MFSD6: variants seen among roughly 807,000 people sequenced by gnomAD.
MFSD6 encodes the protein major facilitator superfamily domain containing 6.
In MFSD6, 26 loss-of-function variants were observed where a neutral mutation model predicts 56.3. That is an observed-to-expected ratio of 0.46 (90% CI 0.34 to 0.64). The LOEUF (loss-of-function observed/expected upper bound fraction) is 0.64, where lower values mean the gene tolerates loss of function less well. Ranked by LOEUF, MFSD6 falls within the 30% of genes least tolerant of loss-of-function variation. MFSD6 has a pLI of 0.01. For synonymous variants in MFSD6, 331 were observed against 366.9 expected (o/e 0.90, Z 1.12); for missense variants, 750 against 986.2 (o/e 0.76, Z 3.21).
chr2:190,482,807 A>C (rs1688751445), intron 4 of MFSD6, among the ~76,000 whole-genome samples: 1 of 151,346 alleles, frequency 6.6e-6, no homozygotes, highest in Non-Finnish European at 1.5e-5. Flanking sequence ...CATTTAAAAA[A>C]CAATATAGAT....
chr2:190,454,930 C>CTGTATG lies in MFSD6; in HGVS notation c.1533-14826_1533-14821dup, dbSNP rs1686935195. ...CTGTATGTATATGTGTTCCTGGTTTCTGTATGTATATGTATATGTATATGT... is the reference window on the plus strand; with the variant it reads ...CTGTATGTATATGTGTTCCTGGTTTCTGTATGTGTATGTATATGTATATGTATATGT... On this transcript the variant is annotated intron_variant, in intron 3 of 7. Coordinates refer to ENST00000392328, the MANE Select transcript of MFSD6 (RefSeq NM_017694.4). This position sits in a 1 kb window ranked among gnomAD's most constrained non-coding sequence, Gnocchi z 4.6. Among the ~76,000 whole-genome samples, 2 of 120,550 alleles carry CTGTATG rather than the reference C, an allele frequency of 1.7e-5. No homozygotes were observed. Among genetic ancestry groups the CTGTATG allele is most frequent in the Non-Finnish European group, 3.2e-5 (2 of 61,828 alleles). 79.1% of individuals were successfully genotyped at this position (120,550 alleles called of 152,430 possible). A position where few individuals can be genotyped will look rare whatever the true frequency, so the allele number is the denominator to read the frequency against.
rs908425396 is a variant in MFSD6, at chr2:190,439,471, G to T, written c.1532+1910G>T. On this transcript the variant is annotated intron_variant, in intron 3 of 7. Coordinates refer to ENST00000392328, the MANE Select transcript of MFSD6 (RefSeq NM_017694.4). This position sits in a 1 kb window ranked among gnomAD's most constrained non-coding sequence, Gnocchi z 5.8. Reference sequence around the variant, plus strand: ...GTTCTATTTTCAAAGGAATTGTTAGGTTATTTCCACATGCTAAGAAAAGAT... The same window carrying T: ...GTTCTATTTTCAAAGGAATTGTTAGTTTATTTCCACATGCTAAGAAAAGAT... Among the ~76,000 whole-genome samples the T allele has an allele frequency of 9.2e-5, 14 of 151,982 alleles. No homozygotes were observed. Among genetic ancestry groups the T allele is most frequent in the African/African-American group, 3.4e-4 (14 of 41,382 alleles).
chr2:190,463,195 G>A lies in MFSD6; in HGVS notation c.1533-6563G>A, dbSNP rs114497185. ...GCTGGGAGGAGGGGGACAGTTATGA[G>A]AAAACAAATTTTCTAGACTAAGATT... On this transcript the variant is annotated intron_variant, in intron 3 of 7. Transcript: ENST00000392328. The surrounding 1 kb of genome is among the most constrained non-coding windows in gnomAD (Gnocchi z 4.4). 1.6e-3 allele frequency among the ~76,000 whole-genome samples: 239 copies of A among 152,292 alleles called. 2 individuals carry two copies. The highest frequency in any genetic ancestry group is 5.4e-3 in the African/African-American group (226 of 41,552).
At chr2:190,407,771 A>C (rs1690362388), upstream of MFSD6, among the ~76,000 whole-genome samples, 1 of 152,130 alleles carries the variant, frequency 6.6e-6, no homozygotes, top group African/African-American at 2.4e-5. The surrounding 1 kb of genome is among the most constrained non-coding windows in gnomAD (Gnocchi z 5.4). Flanking sequence ...AAACTCACAG[A>C]TCGTTTGTCT....
In MFSD6 at chr2:190,488,887, A is replaced by C; in HGVS notation, c.1792+69A>C. The stretch of plus-strand genomic sequence containing the variant: ...CATGATTTTTTCCAGCAATACCTCA[A>C]TAAACAATCCAATTATTACTGAAGA... On this transcript the variant is annotated intron_variant, in intron 5 of 7. Transcript: ENST00000392328. This position sits in a 1 kb window ranked among gnomAD's most constrained non-coding sequence, Gnocchi z 6.4. 7.3e-7 allele frequency: 1 copy of C among 1,377,074 alleles called. No homozygotes were observed. Among genetic ancestry groups the C allele is most frequent in the Non-Finnish European group, 9.8e-7 (1 of 1,025,146 alleles). The allele number at this position is 1,377,074 out of a possible 1,614,324, so 85.3% of individuals were successfully genotyped here.
Position 190,487,605 on chromosome 2 carries a change from A to G in MFSD6, c.1631-1052A>G, listed in dbSNP as rs1161774929. On this transcript the variant is annotated intron_variant, in intron 4 of 7. Transcript: ENST00000392328. The surrounding 1 kb of genome is among the most constrained non-coding windows in gnomAD (Gnocchi z 5.5). ...AAATGGGCAAAGGAATTGAATAAAC[A>G]TTTCTTCAAAGAAGATATAGATGGC... Among the ~76,000 whole-genome samples, 1 of 152,214 alleles carries G rather than the reference A, an allele frequency of 6.6e-6. No homozygotes were observed. The highest frequency in any genetic ancestry group is 2.1e-4 in the South Asian group (1 of 4,832).
rs185434312 is a variant in MFSD6 at position 190,443,280 on chromosome 2, A to G, written c.1532+5719A>G. On this transcript the variant is annotated intron_variant, in intron 3 of 7. Coordinates refer to ENST00000392328, the MANE Select transcript of MFSD6 (RefSeq NM_017694.4). This position sits in a 1 kb window ranked among gnomAD's most constrained non-coding sequence, Gnocchi z 4.2. ...TTGCCTGGCTCTGCAACTTGGAACT[A>G]TATGGCCTTGGACAAGTTACAGAAC... Among the ~76,000 whole-genome samples, 5 of 152,322 alleles carry G rather than the reference A, an allele frequency of 3.3e-5. No homozygotes were observed. Among genetic ancestry groups the G allele is most frequent in the Non-Finnish European group, 5.9e-5 (4 of 68,022 alleles).
chr2:190,475,419 T>C (rs1256071682), intron 4 of MFSD6, among the ~76,000 whole-genome samples: 1 of 152,108 alleles, frequency 6.6e-6, no homozygotes, highest in East Asian at 1.9e-4. Flanking sequence ...TATATACCAG[T>C]AACAGCCAAA....
chr2:190,500,966 T>C lies in MFSD6; in HGVS notation c.*748T>C, dbSNP rs1689995847. ...AAAAAAAACAGAAACAAGCGATTAT[T>C]TCAAATCAACCAACCAACTCAGTAT... On this transcript the variant is annotated 3_prime_UTR_variant, in exon 8 of 8. Transcript: ENST00000392328. This position sits in a 1 kb window ranked among gnomAD's most constrained non-coding sequence, Gnocchi z 5.3. 6.6e-6 allele frequency: 1 copy of C among 152,210 alleles called. No individual in the cohort carries two copies. The highest frequency in any genetic ancestry group is 1.5e-5 in the Non-Finnish European group (1 of 68,034). The allele number at this position is 152,210 out of a possible 1,614,324, so 9.4% of individuals were successfully genotyped here. A position where few individuals can be genotyped will look rare whatever the true frequency, so the allele number is the denominator to read the frequency against.
upstream of MFSD6, among the ~76,000 whole-genome samples, chr2:190,408,182 T>A (rs904128711): frequency 6.6e-6 from 1 of 151,486 alleles, no homozygotes; most frequent in Admixed American, 6.6e-5. Context: ...CTGAAACGGG[T>A]CCAGCCGGTA....
chr2:190,455,201 A>G (rs1259653492), intron 3 of MFSD6, among the ~76,000 whole-genome samples: 2 of 152,098 alleles, frequency 1.3e-5, no homozygotes, highest in African/African-American at 4.8e-5. Context: ...GACTAGTATC[A>G]TTGCTATTTT....
Position 190,436,919 on chromosome 2 carries a change from TAGG to T in MFSD6, c.893_895del (p.Gly298del). ...TTGGTGATCTTGGTAGTTGTCATAATAGGAGAATTTTTCAGTGCCTCTTCTGTC... is the reference window on the plus strand; with the variant it reads ...TTGGTGATCTTGGTAGTTGTCATAATAGAATTTTTCAGTGCCTCTTCTGTC... On this transcript the variant is annotated inframe_deletion, in exon 3 of 8. Coordinates refer to ENST00000392328, the MANE Select transcript of MFSD6 (RefSeq NM_017694.4). The surrounding 1 kb of genome is among the most constrained non-coding windows in gnomAD (Gnocchi z 5.3). 1.9e-6 allele frequency: 3 copies of T among 1,614,226 alleles called. No homozygotes were observed. Among genetic ancestry groups the T allele is most frequent in the Non-Finnish European group, 1.7e-6 (2 of 1,180,034 alleles).
chr2:190,475,754 G>A (rs961103552), intron 4 of MFSD6, among the ~76,000 whole-genome samples: 2 of 152,162 alleles, frequency 1.3e-5, no homozygotes, highest in African/African-American at 4.8e-5. Flanking sequence ...GCATTGCCAA[G>A]TGAATCCTAA....
rs974900199 is a variant in MFSD6 at position 190,426,301 on chromosome 2, C to G, written c.-53-9676C>G. On this transcript the variant is annotated intron_variant, in intron 2 of 7. Coordinates refer to ENST00000392328, the MANE Select transcript of MFSD6 (RefSeq NM_017694.4). The surrounding 1 kb of genome is among the most constrained non-coding windows in gnomAD (Gnocchi z 4.7). ...TCTGTATCCCAATTCACTCATTAAT[C>G]CCTCTGTCCCCTTTATTCTGCTTTA... Among the ~76,000 whole-genome samples, 5 of 152,156 alleles carry G rather than the reference C, an allele frequency of 3.3e-5. No individual in the cohort carries two copies. Among genetic ancestry groups the G allele is most frequent in the African/African-American group, 1.2e-4 (5 of 41,426 alleles).
At chr2:190,455,295 A>G (rs1686971685) in intron 3 of MFSD6, among the ~76,000 whole-genome samples, 1 of 152,190 alleles carries the variant, frequency 6.6e-6, no homozygotes, top group Admixed American at 6.5e-5. Flanking sequence ...ATTAAATTTT[A>G]TTAGAAATCT....
At chr2:190,419,175 G>A (rs567750506) in intron 2 of MFSD6, among the ~76,000 whole-genome samples, 6 of 152,218 alleles carry the variant, frequency 3.9e-5, no homozygotes, top group South Asian at 2.1e-4. Flanking sequence ...AATTGACCTC[G>A]CACACTGTGT....
chr2:190,422,474 G>A (rs1196624679), intron 2 of MFSD6, among the ~76,000 whole-genome samples: 1 of 152,140 alleles, frequency 6.6e-6, no homozygotes. Context: ...GATAAATTTT[G>A]TGAGAAATTG....
chr2:190,437,652 A>G lies in MFSD6; in HGVS notation c.1532+91A>G. On this transcript the variant is annotated intron_variant, in intron 3 of 7. Transcript: ENST00000392328. The surrounding 1 kb of genome is among the most constrained non-coding windows in gnomAD (Gnocchi z 5.9). ...CCTTCTACTACAATTTTAAGGTATT[A>G]TAATTTGTGTTGAGGATAGGGTTGG... 1 of 1,432,520 alleles carries G rather than the reference A, an allele frequency of 7.0e-7. No homozygotes were observed. Among genetic ancestry groups the G allele is most frequent in the Non-Finnish European group, 9.4e-7 (1 of 1,064,264 alleles). The allele number at this position is 1,432,520 out of a possible 1,614,324, so 88.7% of individuals were successfully genotyped here.
intron 4 of MFSD6, among the ~76,000 whole-genome samples, chr2:190,481,793 T>C (rs1688683078): frequency 6.6e-6 from 1 of 152,224 alleles, no homozygotes; most frequent in Non-Finnish European, 1.5e-5. Flanking sequence ...TTGCATGTCT[T>C]ATATAAACTT....
Sources: gnomAD v4.1 joint callset for allele counts (sites outside exome capture counted in the v4.1 genomes callset) on GRCh38, gnomAD v4.1.1 for gene constraint, Gnocchi (gnomAD v3.1) non-coding constraint, MANE v1.5 for transcripts, NCBI Gene and HGNC (gene_info 2026-07-23, HGNC 2026-07-21) for gene names.